ZNF782: variants seen among roughly 807,000 people sequenced by gnomAD.
The protein encoded by ZNF782 is zinc finger protein 782.
In ZNF782, 12 loss-of-function variants were observed where a neutral mutation model predicts 13.0. That is an observed-to-expected ratio of 0.92 (90% CI 0.59 to 1.50). The LOEUF (loss-of-function observed/expected upper bound fraction) is 1.50, where lower values mean the gene tolerates loss of function less well. Among genes scored for constraint, ZNF782 ranks in the 40% most tolerant of loss-of-function variants. The pLI is 0.00. For missense variants in ZNF782, 770 were observed against 822.9 expected (o/e 0.94, Z 0.79); for synonymous variants, 284 against 283.0 (o/e 1.00, Z -0.04).
chr9:96,911,074 C>T, the ZNF782 span, among the ~76,000 whole-genome samples: 2 of 148,572 alleles, frequency 1.3e-5, no homozygotes, highest in African/African-American at 2.5e-5. Flanking sequence ...GACCGTTCTC[C>T]GTCCTACTTC....
chr9:96,835,418 T>C lies in ZNF782; in HGVS notation c.143-8237A>G, dbSNP rs80216394. On this transcript the variant is annotated intron_variant, in intron 4 of 5. Transcript: ENST00000481138. ...TAAAGAGATTAGAATAAGCAAAAGG[T>C]CAAAACAATGGGAAAAAGACCCTGA... Among the ~76,000 whole-genome samples the C allele has an allele frequency of 5.2e-3, 797 of 152,202 alleles. 37 individuals carry two copies. The East Asian group carries it at 0.1, about 19-fold the overall frequency.
At chr9:96,832,890 T>G (rs1564001949) in intron 4 of ZNF782, among the ~76,000 whole-genome samples, 1 of 152,178 alleles carries the variant, frequency 6.6e-6, no homozygotes, top group East Asian at 1.9e-4. Flanking sequence ...TTTTAGCCAT[T>G]ATTTCTTTGA....
At position 96,816,347 on chromosome 9, in the gene ZNF782, C is replaced by T. The variant is rs965449894; in HGVS notation, c.*1576G>A. ...CAAAGTAGTTATAAAGCAAGGGGAA[C>T]ACAATTCTTTTACAGCAATGTTGAG... On this transcript the variant is annotated 3_prime_UTR_variant, in exon 6 of 6. Coordinates refer to ENST00000481138, the MANE Select transcript of ZNF782 (RefSeq NM_001001662.3). 5 of 152,174 alleles carry T rather than the reference C, an allele frequency of 3.3e-5. No individual in the cohort carries two copies. The highest frequency in any genetic ancestry group is 1.2e-4 in the African/African-American group (5 of 41,460). The allele number at this position is 152,174 out of a possible 1,614,324, so 9.4% of individuals were successfully genotyped here.
At chr9:96,885,814 C>CCTTCCTTCCTTCCTTCCT in the ZNF782 span, among the ~76,000 whole-genome samples, 1 of 151,528 alleles carries the variant, frequency 6.6e-6, no homozygotes, top group Non-Finnish European at 1.5e-5. Context: ...CCTTCCTTCC[C>CCTTCCTTCCTTCCTTCCT]CTTCCTTCCT....
At chr9:96,898,063 C>CTCTT in the ZNF782 span, 1 of 149,640 alleles carries the variant, frequency 6.7e-6, no homozygotes, top group Non-Finnish European at 1.5e-5. Context: ...CACTGATTAT[C>CTCTT]TCTTTCTTTC....
the ZNF782 span, among the ~76,000 whole-genome samples, chr9:96,916,906 A>T: frequency 8.6e-6 from 1 of 116,112 alleles, no homozygotes; most frequent in Non-Finnish European, 1.8e-5. Flanking sequence ...TGGGAGGGGC[A>T]GGGCTGGGCC....
the ZNF782 span, among the ~76,000 whole-genome samples, chr9:96,921,008 A>C: frequency 4.1e-5 from 6 of 146,554 alleles, no homozygotes; most frequent in African/African-American, 1.6e-4. Flanking sequence ...TGGGGAGAGG[A>C]AGCTTGCTTT....
chr9:96,895,923 C>T, the ZNF782 span: 5 of 152,152 alleles, frequency 3.3e-5, no homozygotes, highest in Non-Finnish European at 7.4e-5. Context: ...AACAGCAAAC[C>T]AAAAACAATA....
chr9:96,867,649 G>A (rs1187240189), intron 1 of ZNF782, among the ~76,000 whole-genome samples: 4 of 152,040 alleles, frequency 2.6e-5, no homozygotes, highest in African/African-American at 9.7e-5. Flanking sequence ...TAATAGTGAC[G>A]ACTAGTAAAT....
At chr9:96,909,761 G>A in the ZNF782 span, among the ~76,000 whole-genome samples, 2 of 151,764 alleles carry the variant, frequency 1.3e-5, no homozygotes, top group African/African-American at 4.8e-5. Context: ...AAGTCATCTG[G>A]CCTCTTAACT....
chr9:96,883,027 G>A, the ZNF782 span, among the ~76,000 whole-genome samples: 3 of 152,146 alleles, frequency 2.0e-5, no homozygotes, highest in African/African-American at 7.2e-5. Context: ...GACAATAGGA[G>A]ATGAAGAATG....
rs1850234540 is a variant in ZNF782, at chr9:96,818,080, C to T, written c.1943G>A (p.Cys648Tyr). 6.2e-7 allele frequency: 1 copy of T among 1,613,842 alleles called. No homozygotes were observed. Among genetic ancestry groups the T allele is most frequent in the Admixed American group, 1.7e-5 (1 of 59,988 alleles). ...RTHTGEKPYN[C>Y]NQCGEAFSQK... is the part of the protein sequence containing the mutation. ...ACTGAAAGCTTCCCCACACTGATTA[C>T]AATTATATGGTTTCTCCCCGGTGTG... The change falls in exon 6 of 6, where the codon TGT (cysteine) becomes TAT (tyrosine). Residue 648 changes from cysteine (C) to tyrosine (Y), a missense_variant. Coordinates refer to ENST00000481138, the MANE Select transcript of ZNF782 (RefSeq NM_001001662.3).
intron 1 of ZNF782, among the ~76,000 whole-genome samples, chr9:96,863,670 C>T (rs1238250755): frequency 1.3e-5 from 2 of 152,198 alleles, no homozygotes; most frequent in Non-Finnish European, 2.9e-5. Context: ...CCACGGAATA[C>T]TGCTGAGCCA....
upstream of ZNF782, among the ~76,000 whole-genome samples, chr9:96,875,908 A>G (rs988295718): frequency 6.6e-6 from 1 of 152,250 alleles, no homozygotes; most frequent in African/African-American, 2.4e-5. Context: ...GACGTCATCC[A>G]GAAGACCCTT....
intron 4 of ZNF782, among the ~76,000 whole-genome samples, chr9:96,840,835 G>C (rs977960851): frequency 6.6e-6 from 1 of 152,110 alleles, no homozygotes; most frequent in South Asian, 2.1e-4. Flanking sequence ...AATAGTGCAT[G>C]ATCTCACATT....
At chr9:96,932,409 G>T in the ZNF782 span, 1 of 1,595,876 alleles carries the variant, frequency 6.3e-7, no homozygotes, top group Non-Finnish European at 8.6e-7. Flanking sequence ...GCGCTTTCCT[G>T]CTTCCTCATG....
upstream of ZNF782, among the ~76,000 whole-genome samples, chr9:96,878,134 T>C (rs540490838): frequency 6.6e-6 from 1 of 152,340 alleles, no homozygotes; most frequent in South Asian, 2.1e-4. Flanking sequence ...CTGCAACCTC[T>C]GCTTCCCGGG....
At chr9:96,842,328 AATG>A (rs1329606284) in intron 4 of ZNF782, among the ~76,000 whole-genome samples, 9 of 152,172 alleles carry the variant, frequency 5.9e-5, no homozygotes, top group African/African-American at 1.9e-4. Context: ...ATTTTAACAT[AATG>A]ATATTATTAC....
the ZNF782 span, among the ~76,000 whole-genome samples, chr9:96,880,996 T>G: frequency 6.6e-6 from 1 of 152,146 alleles, no homozygotes; most frequent in Non-Finnish European, 1.5e-5. Flanking sequence ...TTATAGTTGG[T>G]GAGTCTTCTT....
Sources: allele counts gnomAD v4.1 joint callset (sites outside exome capture counted in the v4.1 genomes callset), GRCh38; gene constraint gnomAD v4.1.1; transcripts MANE v1.5; gene names NCBI Gene and HGNC (gene_info 2026-07-23, HGNC 2026-07-21).